Variants in BRSK2 observed in about 807,000 individuals in gnomAD.
The protein encoded by BRSK2 is BR serine/threonine kinase 2, also known as serine/threonine-protein kinase BRSK2.
A neutral mutation model predicts 83.3 loss-of-function variants in BRSK2; 19 were observed. The ratio of observed to expected loss-of-function variants is 0.23; its 90% confidence interval spans 0.16 to 0.33. The LOEUF is 0.33. Among genes scored for constraint, BRSK2 ranks in the 10% least tolerant of loss-of-function variants. BRSK2 has a pLI of 1.00. For synonymous variants in BRSK2, 519 were observed against 435.4 expected, an observed-to-expected ratio of 1.19 and a Z score of -2.39; for missense variants, 798 against 1,042.3, an observed-to-expected ratio of 0.77 and a Z score of 3.23.
rs1303895391 is a variant in BRSK2 at position 1,445,017 on chromosome 11, C to T, written c.812+15C>T. 3 of 1,611,308 alleles carry T rather than the reference C, an allele frequency of 1.9e-6. No homozygotes were observed. Among genetic ancestry groups the T allele is most frequent in the East Asian group, 2.2e-5 (1 of 44,852 alleles). ...ATATGGTATATGTAAGTAGCTTTTC[C>T]ACCCACTAATCGCCTGCTTTGCCTG... On this transcript the variant is annotated intron_variant, in intron 9 of 19. Transcript: ENST00000528841.
intron 1 of BRSK2, among the ~76,000 whole-genome samples, chr11:1,395,420 C>G (rs1240791918): frequency 6.6e-6 from 1 of 152,218 alleles, no homozygotes. Context: ...AAGATGCTGC[C>G]CCTGGCGTCT....
intron 1 of BRSK2, among the ~76,000 whole-genome samples, chr11:1,427,820 C>T (rs894054336): frequency 1.3e-5 from 2 of 152,200 alleles, no homozygotes; most frequent in South Asian, 2.1e-4. Context: ...AGTCCCCCAT[C>T]CTCCAGGCTA....
At position 1,438,168 on chromosome 11, in the gene BRSK2, C is replaced by T; in HGVS notation, c.187-138C>T. 1 of 613,950 alleles carries T rather than the reference C, an allele frequency of 1.6e-6. No individual in the cohort carries two copies. The highest frequency in any genetic ancestry group is 2.0e-5 in the South Asian group (1 of 50,088). 38.0% of individuals were successfully genotyped at this position (613,950 alleles called of 1,614,324 possible). ...GCCCCTGCGTCCCCCACAGCTGGCACCAAAGGCCCCTGCGACCCCCACAGC... is the reference window on the plus strand; with the variant it reads ...GCCCCTGCGTCCCCCACAGCTGGCATCAAAGGCCCCTGCGACCCCCACAGC... On this transcript the variant is annotated intron_variant, in intron 2 of 19. Coordinates refer to ENST00000528841, the MANE Select transcript of BRSK2 (RefSeq NM_001256627.2). The surrounding 1 kb of genome is among the most constrained non-coding windows in gnomAD (Gnocchi z 6.4).
chr11:1,450,857 G>T, intron 14 of BRSK2, 63 bp downstream of exon 14: 5 of 1,452,662 alleles, frequency 3.4e-6, no homozygotes, highest in Non-Finnish European at 4.6e-6. Flanking sequence ...CCTTGGGGAG[G>T]GCCCCGCCCG....
intron 15 of BRSK2, among the ~76,000 whole-genome samples, chr11:1,453,576 C>A (rs1564877683): frequency 6.6e-6 from 1 of 152,198 alleles, no homozygotes; most frequent in South Asian, 2.1e-4. Flanking sequence ...CGTCGAGGGG[C>A]TGAGTGAGGG....
At chr11:1,394,472 G>GC in intron 1 of BRSK2, among the ~76,000 whole-genome samples, 1 of 73,976 alleles carries the variant, frequency 1.4e-5, no homozygotes, top group East Asian at 5.0e-4. Context: ...ATGGAGATGG[G>GC]TCCTGGAGAT....
chr11:1,451,776 G>C (rs890514364), intron 15 of BRSK2, among the ~76,000 whole-genome samples: 36 of 152,302 alleles, frequency 2.4e-4, no homozygotes, highest in African/African-American at 8.2e-4. Context: ...CCCGTGTTAA[G>C]AACAAAGGGG....
At chr11:1,427,686 C>T (rs534932268) in intron 1 of BRSK2, among the ~76,000 whole-genome samples, 1 of 152,256 alleles carries the variant, frequency 6.6e-6, no homozygotes, top group East Asian at 1.9e-4. Context: ...TCCCTCTCGA[C>T]AGCCAAGCCT....
chr11:1,447,993 C>A lies in BRSK2; in HGVS notation c.1227-1783C>A, dbSNP rs1590629688. On this transcript the variant is annotated intron_variant, in intron 12 of 19. Coordinates refer to ENST00000528841, the MANE Select transcript of BRSK2 (RefSeq NM_001256627.2). Reference sequence around the variant, plus strand: ...AGGGCTCCTGCTGCGGTGAAGCCAGCCAGCAAGCCAGGCAAGGGCCCGCGG... The same window carrying A: ...AGGGCTCCTGCTGCGGTGAAGCCAGACAGCAAGCCAGGCAAGGGCCCGCGG... 9.5e-6 allele frequency: 9 copies of A among 946,428 alleles called. No individual in the cohort carries two copies. In the East Asian group the frequency reaches 1.8e-4, roughly 19 times the overall value. The allele number at this position is 946,428 out of a possible 1,614,324, so 58.6% of individuals were successfully genotyped here.
At chr11:1,445,153 C>A in intron 9 of BRSK2, 141 bp from the exon 10 acceptor site, 3 of 1,455,902 alleles carry the variant, frequency 2.1e-6, no homozygotes, top group South Asian at 1.2e-5. Flanking sequence ...GGGGTGCGGG[C>A]AGGACGCAGG....
rs180804526 is a variant in BRSK2 at position 1,440,105 on chromosome 11, C to A, written c.273-683C>A. On this transcript the variant is annotated intron_variant, in intron 3 of 19. Coordinates refer to ENST00000528841, the MANE Select transcript of BRSK2 (RefSeq NM_001256627.2). ...GGCCACCACCCTCACAGGCCTCCCC[C>A]CCGAGCTGGTTCAGCCTGGGTGGAG... Among the ~76,000 whole-genome samples, 716 of 152,324 alleles carry A rather than the reference C, an allele frequency of 4.7e-3. 13 individuals are homozygous for A. The highest frequency in any genetic ancestry group is 0.016 in the African/African-American group (667 of 41,566).
chr11:1,404,387 A>G (rs1846690308), intron 1 of BRSK2, among the ~76,000 whole-genome samples: 1 of 152,118 alleles, frequency 6.6e-6, no homozygotes, highest in South Asian at 2.1e-4. Flanking sequence ...CGTCCCAGCC[A>G]GCCCTCCGCC....
intron 1 of BRSK2, among the ~76,000 whole-genome samples, chr11:1,429,029 T>C (rs947220914): frequency 7.0e-6 from 1 of 143,550 alleles, no homozygotes; most frequent in African/African-American, 2.7e-5. Flanking sequence ...TGTACACGGG[T>C]GTGTCCTGGG....
At chr11:1,443,694 G>C in intron 8 of BRSK2, 59 bp downstream of exon 8, 1 of 1,465,978 alleles carries the variant, frequency 6.8e-7, no homozygotes, top group Non-Finnish European at 9.0e-7. Flanking sequence ...GGGGGCGGGC[G>C]TGTGCCTGTG....
Position 1,438,412 on chromosome 11 carries a change from A to C in BRSK2, c.272+21A>C. The C allele has an allele frequency of 6.2e-7, 1 of 1,610,260 alleles. No homozygotes were observed. Among genetic ancestry groups the C allele is most frequent in the Admixed American group, 1.7e-5 (1 of 59,976 alleles). Reference sequence around the variant, plus strand: ...TATTTGTAGGTATTGCTGGGTCTGAAGAGCTGGGGTGGCGGAGGTGGCAGC... The same window carrying C: ...TATTTGTAGGTATTGCTGGGTCTGACGAGCTGGGGTGGCGGAGGTGGCAGC... On this transcript the variant is annotated intron_variant, in intron 3 of 19. Transcript: ENST00000528841. The surrounding 1 kb of genome is among the most constrained non-coding windows in gnomAD (Gnocchi z 6.4).
chr11:1,420,383 T>C (rs1168224895), intron 1 of BRSK2, among the ~76,000 whole-genome samples: 1 of 152,212 alleles, frequency 6.6e-6, no homozygotes, highest in Non-Finnish European at 1.5e-5. Context: ...ACCTGAGGCC[T>C]GCCCTGCACT....
Position 1,454,334 on chromosome 11 carries a change from G to C in BRSK2, c.1545-151G>C, listed in dbSNP as rs1846209302. The C allele has an allele frequency of 4.4e-6, 4 of 909,898 alleles. No homozygotes were observed. The highest frequency in any genetic ancestry group is 6.8e-6 in the Non-Finnish European group (4 of 586,224). 56.4% of individuals were successfully genotyped at this position (909,898 alleles called of 1,614,324 possible). On this transcript the variant is annotated intron_variant, in intron 15 of 19. Coordinates refer to ENST00000528841, the MANE Select transcript of BRSK2 (RefSeq NM_001256627.2). The surrounding 1 kb of genome is among the most constrained non-coding windows in gnomAD (Gnocchi z 5.2). Reference sequence around the variant, plus strand: ...GGCTAGGGTTAGGGCGTTGGGGTCAGGGCCATGGGTTCTGGCTAGCACTGT... The same window carrying C: ...GGCTAGGGTTAGGGCGTTGGGGTCACGGCCATGGGTTCTGGCTAGCACTGT...
intron 4 of BRSK2, 112 bp from the exon 5 acceptor site, chr11:1,442,378 A>C (rs1375047372): frequency 2.2e-5 from 16 of 740,532 alleles, no homozygotes; most frequent in African/African-American, 3.5e-5. Context: ...ATTGGCCCTT[A>C]TGTGTGATTG....
At chr11:1,443,188 G>C in intron 6 of BRSK2, 49 bp downstream of exon 6, 2 of 1,531,924 alleles carry the variant, frequency 1.3e-6, no homozygotes, top group Non-Finnish European at 1.7e-6. Flanking sequence ...GGGTGGCGGG[G>C]ACCTGACCCT....
Sources: allele counts gnomAD v4.1 joint callset (sites outside exome capture counted in the v4.1 genomes callset), GRCh38; gene constraint gnomAD v4.1.1; non-coding constraint Gnocchi (gnomAD v3.1); transcripts MANE v1.5; gene names NCBI Gene and HGNC (gene_info 2026-07-23, HGNC 2026-07-21).